Variants in MTM1 observed in about 807,000 individuals in gnomAD.
MTM1 encodes myotubularin.
A neutral mutation model predicts 52.1 loss-of-function variants in MTM1; 9 were observed. The observed-to-expected ratio is 0.17, with a 90% confidence interval of 0.10 to 0.30. The LOEUF is 0.30. Among genes scored for constraint, MTM1 ranks in the 10% least tolerant of loss-of-function variants. MTM1 has a pLI of 1.00. For missense variants in MTM1, 277 were observed against 470.7 expected, an observed-to-expected ratio of 0.59 and a Z score of 3.81; for synonymous variants, 136 against 163.8, an observed-to-expected ratio of 0.83 and a Z score of 1.29.
intron 1 of MTM1, among the ~76,000 whole-genome samples, chrX:150,583,880 A>AAT (rs1156676659): frequency 0.068 from 2,621 of 38,514 alleles, 366 homozygotes; most frequent in African/African-American, 0.2. Flanking sequence ...ATATATATTA[A>AAT]ATATATATAT....
intron 7 of MTM1, among the ~76,000 whole-genome samples, chrX:150,639,436 C>T (rs2039811660): frequency 8.9e-6 from 1 of 112,327 alleles, no homozygotes; most frequent in Non-Finnish European, 1.9e-5. Flanking sequence ...AAATTATATT[C>T]ATTTCAGTTT....
chrX:150,628,793 G>A (rs2039615286), intron 6 of MTM1, among the ~76,000 whole-genome samples: 1 of 107,096 alleles, frequency 9.3e-6, no homozygotes, highest in South Asian at 4.2e-4. Context: ...GGAGTGCAGT[G>A]GTGTGATCAC....
chrX:150,619,667 G>T (rs1174410420), intron 6 of MTM1, among the ~76,000 whole-genome samples: 1 of 111,390 alleles, frequency 9.0e-6, no homozygotes, highest in Non-Finnish European at 1.9e-5. Context: ...ACTGAAATAA[G>T]GCTTTCTATG....
intron 2 of MTM1, among the ~76,000 whole-genome samples, chrX:150,596,077 G>A (rs1437289416): frequency 9.0e-6 from 1 of 111,627 alleles, no homozygotes; most frequent in Non-Finnish European, 1.9e-5. Flanking sequence ...TGGCTGTGCT[G>A]TTATTCAGTT....
At position 150,583,399 on chromosome X, in the gene MTM1, ATTATATATATTATAT is replaced by A. The variant is rs1569565323; in HGVS notation, c.-10-9204_-10-9190del. On this transcript the variant is annotated intron_variant, in intron 1 of 14. Coordinates refer to ENST00000370396, the MANE Select transcript of MTM1 (RefSeq NM_000252.3). ...ATTATATATAATATAATATATATAA[ATTATATATATTATAT>A]TATATATAATTATAAATATATAAAA... Among the ~76,000 whole-genome samples the A allele has an allele frequency of 2.9e-3, 104 of 35,271 alleles. 19 individuals are homozygous for A. Among genetic ancestry groups the A allele is most frequent in the African/African-American group, 0.011 (96 of 8,725 alleles). The allele number at this position is 35,271 out of a possible 115,157, so 30.6% of individuals were successfully genotyped here.
At chrX:150,617,372 CGTAAACCCTTG>C (rs1327094173) in intron 5 of MTM1, among the ~76,000 whole-genome samples, 6 of 111,947 alleles carry the variant, frequency 5.4e-5, no homozygotes, top group Non-Finnish European at 1.1e-4. Context: ...TGTGGCTGGT[CGTAAACCCTTG>C]TAATGCATAT....
intron 9 of MTM1, among the ~76,000 whole-genome samples, chrX:150,646,551 A>G (rs2039934138): frequency 8.9e-6 from 1 of 112,316 alleles, no homozygotes; most frequent in Non-Finnish European, 1.9e-5. Flanking sequence ...ATGGCCCCAG[A>G]TTGATGTGCA....
chrX:150,588,491 A>G (rs2038828492), intron 1 of MTM1, among the ~76,000 whole-genome samples: 1 of 111,999 alleles, frequency 8.9e-6, no homozygotes, highest in Admixed American at 9.5e-5. Context: ...TTAAAATGGC[A>G]TGCATTTTTT....
chrX:150,659,264 AT>A (rs2040180108), intron 11 of MTM1, among the ~76,000 whole-genome samples: 1 of 112,322 alleles, frequency 8.9e-6, no homozygotes, highest in African/African-American at 3.2e-5. Flanking sequence ...TTTGGACATG[AT>A]TTTAAGTCTT....
At chrX:150,607,513 T>A (rs782068485) in intron 4 of MTM1, among the ~76,000 whole-genome samples, 2 of 112,145 alleles carry the variant, frequency 1.8e-5, no homozygotes, top group Admixed American at 1.9e-4. Flanking sequence ...TTCTTGACTT[T>A]TAAATTTCTA....
At chrX:150,621,512 A>C (rs1388221632) in intron 6 of MTM1, among the ~76,000 whole-genome samples, 1 of 108,661 alleles carries the variant, frequency 9.2e-6, no homozygotes, top group African/African-American at 3.4e-5. Context: ...TCTACCCCCC[A>C]AAAAACAAAC....
At chrX:150,655,282 G>A (rs1174072392) in intron 10 of MTM1, among the ~76,000 whole-genome samples, 2 of 102,211 alleles carry the variant, frequency 2.0e-5, no homozygotes, top group East Asian at 3.0e-4. Flanking sequence ...CTGAGATCCC[G>A]CCACTGCACT....
At chrX:150,618,354 A>G (rs1460808038) in intron 5 of MTM1, among the ~76,000 whole-genome samples, 1 of 111,974 alleles carries the variant, frequency 8.9e-6, no homozygotes, top group Non-Finnish European at 1.9e-5. Context: ...TAGTTTTATA[A>G]TTAAAAAAAA....
intron 4 of MTM1, among the ~76,000 whole-genome samples, chrX:150,607,781 A>G (rs1201151632): frequency 2.7e-5 from 3 of 111,827 alleles, no homozygotes; most frequent in Non-Finnish European, 5.6e-5. Flanking sequence ...GTTAAGCACT[A>G]TGCCAGGTGC....
At chrX:150,661,251 T>A (rs1557414670) in intron 13 of MTM1, among the ~76,000 whole-genome samples, 1 of 111,028 alleles carries the variant, frequency 9.0e-6, no homozygotes, top group Non-Finnish European at 1.9e-5. Context: ...CTCGAACTCC[T>A]GAGCTCAAGT....
chrX:150,627,528 C>T (rs1339755924), intron 6 of MTM1, among the ~76,000 whole-genome samples: 1 of 111,179 alleles, frequency 9.0e-6, no homozygotes, highest in African/African-American at 3.3e-5. Context: ...ATCTGTTTGG[C>T]CATTATTTAT....
chrX:150,628,463 C>T (rs1205556451), intron 6 of MTM1, among the ~76,000 whole-genome samples: 6 of 111,322 alleles, frequency 5.4e-5, no homozygotes, highest in African/African-American at 2.0e-4. Flanking sequence ...TCTGTCCTTG[C>T]TCTGAATTAT....
chrX:150,646,612 A>G (rs2039935274), intron 9 of MTM1, among the ~76,000 whole-genome samples: 1 of 111,944 alleles, frequency 8.9e-6, no homozygotes, highest in African/African-American at 3.3e-5. Flanking sequence ...TTCTCCTCCC[A>G]TCATTGCTGT....
At position 150,663,577 on chromosome X, in the gene MTM1, T is replaced by C; in HGVS notation, c.1612T>C (p.Tyr538His). The C allele has an allele frequency of 8.3e-7, 1 of 1,211,640 alleles. No homozygotes were observed. The highest frequency in any genetic ancestry group is 1.1e-6 in the Non-Finnish European group (1 of 895,188). Reference sequence around the variant, plus strand: ...TCACTTGGAACTCTGGGTGAATTACTACATTAGATGGAACCCCAGGATCAA... The same window carrying C: ...TCACTTGGAACTCTGGGTGAATTACCACATTAGATGGAACCCCAGGATCAA... ...MRHLELWVNY[Y>H]IRWNPRIKQQ... Residue 538 changes from tyrosine (Y) to histidine (H), a missense_variant, in exon 14 of 15, where the codon TAC (tyrosine) becomes CAC (histidine). This residue lies in a region of MTM1 where 59 missense variants were observed against 107.8 expected (regional missense o/e 0.55). Coordinates refer to ENST00000370396, the MANE Select transcript of MTM1 (RefSeq NM_000252.3).
Sources: allele counts gnomAD v4.1 joint callset (sites outside exome capture counted in the v4.1 genomes callset), GRCh38; gene constraint gnomAD v4.1.1; regional missense constraint gnomAD v4.1.1; transcripts MANE v1.5; gene names NCBI Gene and HGNC (gene_info 2026-07-23, HGNC 2026-07-21).